NRXN1: variants seen among roughly 807,000 people sequenced by gnomAD.
NRXN1 encodes the protein neurexin-1.
NRXN1 carries 39 observed loss-of-function variants against 150.9 expected under a neutral mutation model. That is an observed-to-expected ratio of 0.26 (90% confidence interval 0.20 to 0.34). The LOEUF (loss-of-function observed/expected upper bound fraction) is 0.34, where lower values mean the gene tolerates loss of function less well. Among genes scored for constraint, NRXN1 ranks in the 10% least tolerant of loss-of-function variants. NRXN1 has a pLI of 1.00. For missense variants in NRXN1, 1,815 were observed against 1,949.9 expected (o/e 0.93, Z 1.30); for synonymous variants, 924 against 757.0 (o/e 1.22, Z -3.62).
At chr2:50,393,033 A>G (rs2103835659) in intron 17 of NRXN1, among the ~76,000 whole-genome samples, 1 of 152,272 alleles carries the variant, frequency 6.6e-6, no homozygotes, top group Middle Eastern at 3.4e-3. Context: ...GGGGAGAACT[A>G]TAATGGATAA....
At chr2:50,544,983 C>A (rs995689150) in intron 9 of NRXN1, among the ~76,000 whole-genome samples, 1 of 152,012 alleles carries the variant, frequency 6.6e-6, no homozygotes, top group African/African-American at 2.4e-5. Context: ...AAACTATAAT[C>A]TTGACTATAG....
intron 5 of NRXN1, chr2:50,631,285 C>G: frequency 3.2e-6 from 1 of 308,884 alleles, no homozygotes; most frequent in Non-Finnish European, 6.4e-6. Flanking sequence ...AGGTAAACCT[C>G]GAGACCAATC....
intron 18 of NRXN1, among the ~76,000 whole-genome samples, chr2:50,181,630 T>A (rs556391195): frequency 1.2e-4 from 18 of 151,936 alleles, no homozygotes; most frequent in African/African-American, 4.4e-4. Context: ...GGACTAGGAC[T>A]TTTTTTTAAT....
chr2:50,567,470 G>A (rs1308238249), intron 8 of NRXN1, among the ~76,000 whole-genome samples: 1 of 151,928 alleles, frequency 6.6e-6, no homozygotes, highest in African/African-American at 2.4e-5. Context: ...ATATAAAGGA[G>A]GATGTTAAAT....
chr2:50,168,563 C>T (rs1173285381), intron 18 of NRXN1, among the ~76,000 whole-genome samples: 1 of 152,154 alleles, frequency 6.6e-6, no homozygotes, highest in Non-Finnish European at 1.5e-5. Flanking sequence ...TTTCATCTTA[C>T]ATTTTCTTTT....
At chr2:50,765,440 CACTT>C (rs1333232306) in intron 5 of NRXN1, among the ~76,000 whole-genome samples, 1 of 152,080 alleles carries the variant, frequency 6.6e-6, no homozygotes, top group Non-Finnish European at 1.5e-5. Flanking sequence ...TATCTTCTCT[CACTT>C]TTCTCTGTTT....
At chr2:50,901,331 C>CGAGA (rs1682903089) in intron 5 of NRXN1, among the ~76,000 whole-genome samples, 1 of 151,794 alleles carries the variant, frequency 6.6e-6, no homozygotes, top group Non-Finnish European at 1.5e-5. Context: ...GTCAGGAGAT[C>CGAGA]GAGACCATCC....
intron 5 of NRXN1, among the ~76,000 whole-genome samples, chr2:50,720,661 C>G (rs1696523041): frequency 6.6e-6 from 1 of 152,184 alleles, no homozygotes; most frequent in South Asian, 2.1e-4. Flanking sequence ...ACCACTCTTC[C>G]CAGTTTCTCT....
intron 5 of NRXN1, among the ~76,000 whole-genome samples, chr2:50,810,654 T>A (rs1668086966): frequency 6.6e-6 from 1 of 152,114 alleles, no homozygotes; most frequent in Admixed American, 6.6e-5. Context: ...CAGAAATTAA[T>A]CAGCATAATA....
chr2:50,116,951 G>A (rs1196522556), intron 18 of NRXN1, among the ~76,000 whole-genome samples: 1 of 152,148 alleles, frequency 6.6e-6, no homozygotes, highest in Non-Finnish European at 1.5e-5. Flanking sequence ...TTAATGGAAA[G>A]AGGTAGTGGG....
intron 13 of NRXN1, among the ~76,000 whole-genome samples, chr2:50,501,643 TA>T (rs376104716): frequency 0.33 from 48,213 of 146,938 alleles, 8,647 homozygotes; most frequent in Middle Eastern, 0.51. Context: ...ACACACAGAT[TA>T]AAAAAAAAAA....
At chr2:50,730,665 TTGTTTTC>T (rs1463354506) in intron 5 of NRXN1, among the ~76,000 whole-genome samples, 4 of 128,638 alleles carry the variant, frequency 3.1e-5, no homozygotes, top group East Asian at 4.7e-4. Flanking sequence ...TTTATCTTTC[TTGTTTTC>T]TTTTTTTTTT....
chr2:50,566,662 G>T (rs1454237710), intron 8 of NRXN1, among the ~76,000 whole-genome samples: 1 of 152,090 alleles, frequency 6.6e-6, no homozygotes, highest in African/African-American at 2.4e-5. Flanking sequence ...ACAGTCTTAT[G>T]AAGTAGACAT....
chr2:49,946,634 T>C (rs935998646), intron 21 of NRXN1, among the ~76,000 whole-genome samples: 4 of 152,158 alleles, frequency 2.6e-5, no homozygotes, highest in Admixed American at 6.6e-5. Context: ...ATTTATTAAA[T>C]AGGGAATCCT....
chr2:50,005,312 T>C (rs1415780146), intron 21 of NRXN1, among the ~76,000 whole-genome samples: 2 of 152,144 alleles, frequency 1.3e-5, no homozygotes, highest in African/African-American at 4.8e-5. Context: ...AGAAAGCAGA[T>C]TATTTTTAAA....
At chr2:50,859,044 T>C (rs1211850565) in intron 5 of NRXN1, among the ~76,000 whole-genome samples, 2 of 152,102 alleles carry the variant, frequency 1.3e-5, no homozygotes, top group South Asian at 2.1e-4. Flanking sequence ...TATTCTTTCA[T>C]TATGCTGAGG....
At chr2:50,166,274 AACGT>A (rs2059673543) in intron 18 of NRXN1, among the ~76,000 whole-genome samples, 2 of 140,536 alleles carry the variant, frequency 1.4e-5, no homozygotes, top group Non-Finnish European at 1.5e-5. Flanking sequence ...AGGAGTACTC[AACGT>A]ATGTGTGTGT....
At chr2:50,082,143 G>C (rs557151387) in intron 19 of NRXN1, among the ~76,000 whole-genome samples, 20 of 152,170 alleles carry the variant, frequency 1.3e-4, no homozygotes, top group African/African-American at 4.8e-4. Context: ...GCATTGTAGT[G>C]ACAATTAATT....
At chr2:50,980,354 G>A (rs1696590557) in intron 2 of NRXN1, among the ~76,000 whole-genome samples, 1 of 151,978 alleles carries the variant, frequency 6.6e-6, no homozygotes, top group Non-Finnish European at 1.5e-5. Context: ...TATTAATAAT[G>A]AGCTGTTCAT....
Sources: allele counts gnomAD v4.1 joint callset (sites outside exome capture counted in the v4.1 genomes callset), GRCh38; gene constraint gnomAD v4.1.1; transcripts MANE v1.5; gene names NCBI Gene and HGNC (gene_info 2026-07-23, HGNC 2026-07-21).